The following KCNQ1 variants were observed in gnomAD, a reference collection of about 807,000 sequenced individuals.
The protein encoded by KCNQ1 is potassium voltage-gated channel subfamily KQT member 1.
Under a neutral mutation model 72.4 loss-of-function variants are expected in KCNQ1, and 49 were observed. That is an observed-to-expected ratio of 0.68 (90% CI 0.54 to 0.86). The LOEUF is 0.86. KCNQ1 is among the 40% of genes least tolerant of loss of function. KCNQ1 has a pLI of 0.00. For synonymous variants in KCNQ1, 450 were observed against 412.6 expected (o/e 1.09, Z -1.10); for missense variants, 790 against 945.1 (o/e 0.84, Z 2.15).
chr11:2,687,884 C>T lies in KCNQ1; in HGVS notation c.1514+25803C>T, dbSNP rs540451131. 1.1e-4 allele frequency: 44 copies of T among 398,540 alleles called. No homozygotes were observed. Among genetic ancestry groups the T allele is most frequent in the Non-Finnish European group, 1.5e-4 (33 of 226,102 alleles). 24.7% of individuals were successfully genotyped at this position (398,540 alleles called of 1,614,324 possible). On this transcript the variant is annotated intron_variant, in intron 11 of 15. Transcript: ENST00000155840. This position sits in a 1 kb window ranked among gnomAD's most constrained non-coding sequence, Gnocchi z 5.0. Reference sequence around the variant, plus strand: ...CAAAGGCTGGACTTGGGGTGTCCCGCGGAAATCCTGGTGGGATGGAAAATC... The same window carrying T: ...CAAAGGCTGGACTTGGGGTGTCCCGTGGAAATCCTGGTGGGATGGAAAATC...
intron 15 of KCNQ1, 103 bp downstream of exon 15, chr11:2,778,140 C>T (rs1348874318): frequency 1.8e-6 from 2 of 1,139,924 alleles, no homozygotes; most frequent in East Asian, 2.4e-5. Flanking sequence ...GCAGGCCTCC[C>T]CACCTTCCCG....
chr11:2,574,234 G>A (rs531099357), intron 6 of KCNQ1, among the ~76,000 whole-genome samples: 1 of 152,282 alleles, frequency 6.6e-6, no homozygotes, highest in East Asian at 1.9e-4. Context: ...ACCTTGGGGA[G>A]TGGCCCTGGG....
chr11:2,733,472 A>T (rs1349976018), intron 11 of KCNQ1, among the ~76,000 whole-genome samples: 1 of 152,008 alleles, frequency 6.6e-6, no homozygotes, highest in African/African-American at 2.4e-5. Flanking sequence ...TCAGGCAGGG[A>T]CAGCAGCCAT....
intron 2 of KCNQ1, among the ~76,000 whole-genome samples, chr11:2,535,035 G>A (rs1589935742): frequency 6.6e-6 from 1 of 152,178 alleles, no homozygotes. Context: ...TGTCTGCACA[G>A]CCCCCAGGGC....
intron 1 of KCNQ1, among the ~76,000 whole-genome samples, chr11:2,527,292 A>G (rs1847526460): frequency 6.6e-6 from 1 of 152,156 alleles, no homozygotes; most frequent in Non-Finnish European, 1.5e-5. Flanking sequence ...CGCTTGGTGC[A>G]GGTGTCAGGA....
chr11:2,684,088 G>T (rs1356781952), intron 11 of KCNQ1: 1 of 398,254 alleles, frequency 2.5e-6, no homozygotes, highest in Non-Finnish European at 4.4e-6. Context: ...AACTGGTACA[G>T]CAATTTCAGA....
chr11:2,778,187 AGGG>A (rs1234315309), intron 15 of KCNQ1, 150 bp downstream of exon 15: 21 of 795,794 alleles, frequency 2.6e-5, no homozygotes, highest in Non-Finnish European at 3.6e-5. Context: ...AACTCCCAAG[AGGG>A]GCCCAGGCCC....
Position 2,817,936 on chromosome 11 carries a change from G to A in KCNQ1, c.1795-29831G>A, listed in dbSNP as rs1260623906. On this transcript the variant is annotated intron_variant, in intron 15 of 15. Coordinates refer to ENST00000155840, the MANE Select transcript of KCNQ1 (RefSeq NM_000218.3). This position sits in a 1 kb window ranked among gnomAD's most constrained non-coding sequence, Gnocchi z 6.1. ...TTTGCATTTTAAAAGCCCTGAGAAG[G>A]CCTGCAGTGAAAAAAACTAACTTCG... is the stretch of plus-strand genomic sequence containing the variant. 1.3e-5 allele frequency among the ~76,000 whole-genome samples: 2 copies of A among 152,064 alleles called. No individual in the cohort carries two copies.
chr11:2,796,568 C>T (rs1847136554), intron 15 of KCNQ1, among the ~76,000 whole-genome samples: 1 of 152,248 alleles, frequency 6.6e-6, no homozygotes. Context: ...ACACCCTCTC[C>T]ATGGGGAAGG....
At chr11:2,548,769 TG>T (rs373343759) in intron 2 of KCNQ1, among the ~76,000 whole-genome samples, 227 of 152,344 alleles carry the variant, frequency 1.5e-3, no homozygotes, top group African/African-American at 5.4e-3. Context: ...GGCGGTGGCC[TG>T]GGGGTGCTTA....
intron 11 of KCNQ1, chr11:2,675,382 A>T (rs1054408737): frequency 1.3e-5 from 5 of 398,550 alleles, no homozygotes; most frequent in African/African-American, 2.1e-5. Context: ...GAAAACATTT[A>T]AACACAGATA....
intron 15 of KCNQ1, among the ~76,000 whole-genome samples, chr11:2,838,693 G>T (rs749180892): frequency 1.7e-4 from 26 of 152,144 alleles, no homozygotes; most frequent in Non-Finnish European, 3.4e-4. Flanking sequence ...CTGGAGCAAT[G>T]ACACGAGAAC....
chr11:2,657,685 G>A lies in KCNQ1; in HGVS notation c.1394-4276G>A, dbSNP rs1849874340. ...GTTTAACTACTAATGTCCTTTTTCTGTTCCAAGATCCCATCTAGGATCGAT... is the reference window on the plus strand; with the variant it reads ...GTTTAACTACTAATGTCCTTTTTCTATTCCAAGATCCCATCTAGGATCGAT... On this transcript the variant is annotated intron_variant, in intron 10 of 15. Transcript: ENST00000155840. The surrounding 1 kb of genome is among the most constrained non-coding windows in gnomAD (Gnocchi z 4.8). 2 of 398,518 alleles carry A rather than the reference G, an allele frequency of 5.0e-6. No individual in the cohort carries two copies. Among genetic ancestry groups the A allele is most frequent in the Admixed American group, 4.4e-5 (1 of 22,732 alleles). The allele number at this position is 398,518 out of a possible 1,614,324, so 24.7% of individuals were successfully genotyped here. A position where few individuals can be genotyped will look rare whatever the true frequency, so the allele number is the denominator to read the frequency against.
In KCNQ1 at chr11:2,532,880, G is replaced by A. The variant is rs1847664179; in HGVS notation, c.477+4862G>A. Among the ~76,000 whole-genome samples the A allele has an allele frequency of 1.3e-5, 2 of 152,190 alleles. 1 individual carries two copies. The highest frequency in any genetic ancestry group is 4.8e-5 in the African/African-American group (2 of 41,448). On this transcript the variant is annotated intron_variant, in intron 2 of 15. Transcript: ENST00000155840. ...TGCAGGGTTGCAGGAAGGACGGTTG[G>A]GGGCGCTTCGGGGAGGTACGAGAAG...
chr11:2,692,995 C>T (rs557233548), intron 11 of KCNQ1: 1 of 398,624 alleles, frequency 2.5e-6, no homozygotes, highest in South Asian at 1.3e-4. Context: ...CCAGAAGCCT[C>T]ATAAGCAAGC....
chr11:2,831,455 T>C (rs1352850196), intron 15 of KCNQ1, among the ~76,000 whole-genome samples: 2 of 152,084 alleles, frequency 1.3e-5, no homozygotes, highest in East Asian at 3.9e-4. Context: ...CCTCCCTGAC[T>C]GTGGAGACAC....
rs1012610783 is a variant in KCNQ1, at chr11:2,658,016, C to T, written c.1394-3945C>T. 2.5e-6 allele frequency: 1 copy of T among 398,442 alleles called. No homozygotes were observed. Among genetic ancestry groups the T allele is most frequent in the African/African-American group, 2.1e-5 (1 of 48,602 alleles). The allele number at this position is 398,442 out of a possible 1,614,324, so 24.7% of individuals were successfully genotyped here. A position where few individuals can be genotyped will look rare whatever the true frequency, so the allele number is the denominator to read the frequency against. ...TAAGTGAATAGCTGTTTTTCCCTTT[C>T]CATAGCTTAGTCTTTAGAAGCGAGT... On this transcript the variant is annotated intron_variant, in intron 10 of 15. Coordinates refer to ENST00000155840, the MANE Select transcript of KCNQ1 (RefSeq NM_000218.3). The surrounding 1 kb of genome is among the most constrained non-coding windows in gnomAD (Gnocchi z 4.9).
intron 1 of KCNQ1, among the ~76,000 whole-genome samples, chr11:2,448,453 C>A (rs1846076108): frequency 6.6e-6 from 1 of 152,220 alleles, no homozygotes; most frequent in Non-Finnish European, 1.5e-5. Context: ...GGCTGCCTCC[C>A]CAAAAGACAA....
In KCNQ1 at chr11:2,712,404, G is replaced by A. The variant is rs1348032276; in HGVS notation, c.1514+50323G>A. 6.6e-6 allele frequency among the ~76,000 whole-genome samples: 1 copy of A among 152,160 alleles called. No homozygotes were observed. The highest frequency in any genetic ancestry group is 1.9e-4 in the East Asian group (1 of 5,186). ...GCAGGAACAGGAGTCCGGCCTGGGG[G>A]ATGTTAGACTCACCAGCCATCCCCT... On this transcript the variant is annotated intron_variant, in intron 11 of 15. Transcript: ENST00000155840. This position sits in a 1 kb window ranked among gnomAD's most constrained non-coding sequence, Gnocchi z 6.4.
Sources: allele counts gnomAD v4.1 joint callset (sites outside exome capture counted in the v4.1 genomes callset), GRCh38; gene constraint gnomAD v4.1.1; non-coding constraint Gnocchi (gnomAD v3.1); transcripts MANE v1.5; gene names NCBI Gene and HGNC (gene_info 2026-07-23, HGNC 2026-07-21).